EPHA3: variants seen among roughly 807,000 people sequenced by gnomAD.
The protein encoded by EPHA3 is EPH receptor A3, also known as ephrin type-A receptor 3.
In EPHA3, 42 loss-of-function variants were observed where a neutral mutation model predicts 107.1. That is an observed-to-expected ratio of 0.39 (90% confidence interval 0.31 to 0.51). The LOEUF is 0.51. Ranked by LOEUF, EPHA3 falls within the 20% of genes least tolerant of loss-of-function variation. EPHA3 has a pLI of 0.78. For synonymous variants in EPHA3, 461 were observed against 424.8 expected (o/e 1.09, Z -1.05); for missense variants, 1,183 against 1,211.2 (o/e 0.98, Z 0.35).
At chr3:89,324,509 A>AT in intron 3 of EPHA3, among the ~76,000 whole-genome samples, 1 of 150,526 alleles carries the variant, frequency 6.6e-6, no homozygotes, top group East Asian at 2.0e-4. Context: ...TATTTTTTTT[A>AT]TTTTTTATTT....
intron 12 of EPHA3, among the ~76,000 whole-genome samples, chr3:89,429,720 A>ATCTG (rs1709528539): frequency 6.6e-6 from 1 of 151,870 alleles, no homozygotes; most frequent in Non-Finnish European, 1.5e-5. Flanking sequence ...CTATCTATCT[A>ATCTG]TCTATCTATC....
intron 1 of EPHA3, among the ~76,000 whole-genome samples, chr3:89,124,614 G>A (rs966080301): frequency 1.3e-5 from 2 of 151,940 alleles, no homozygotes; most frequent in African/African-American, 4.8e-5. Context: ...AAGCCACAAT[G>A]GAACTGTTGT....
At chr3:89,340,872 A>T (rs370977398) in intron 3 of EPHA3, 44 bp from the exon 4 acceptor site, 3 of 1,513,600 alleles carry the variant, frequency 2.0e-6, no homozygotes, top group Non-Finnish European at 2.7e-6. Context: ...ATATTTTCAA[A>T]AAAATTATCA....
At chr3:89,272,021 C>T (rs1276142485) in intron 3 of EPHA3, among the ~76,000 whole-genome samples, 2 of 151,920 alleles carry the variant, frequency 1.3e-5, no homozygotes, top group Non-Finnish European at 2.9e-5. Flanking sequence ...TTATGATTTT[C>T]TTAATAACTT....
intron 3 of EPHA3, among the ~76,000 whole-genome samples, chr3:89,275,336 G>A (rs963051174): frequency 3.3e-5 from 5 of 151,972 alleles, no homozygotes; most frequent in Admixed American, 2.0e-4. Flanking sequence ...CCAGAGCCCC[G>A]TGATTTTCCT....
intron 2 of EPHA3, among the ~76,000 whole-genome samples, chr3:89,149,479 A>G (rs1704642021): frequency 6.6e-6 from 1 of 151,920 alleles, no homozygotes; most frequent in Non-Finnish European, 1.5e-5. Context: ...AATGCATAGA[A>G]TAATCTTTTT....
At position 89,357,300 on chromosome 3, in the gene EPHA3, A is replaced by G. The variant is rs576000693; in HGVS notation, c.1306+15210A>G. 8.9e-4 allele frequency among the ~76,000 whole-genome samples: 134 copies of G among 150,560 alleles called. 4 individuals are homozygous for G. Among genetic ancestry groups the G allele is most frequent in the Non-Finnish European group, 1.4e-3 (97 of 67,336 alleles). On this transcript the variant is annotated intron_variant, in intron 5 of 16. Coordinates refer to ENST00000336596, the MANE Select transcript of EPHA3 (RefSeq NM_005233.6). ...GACAGGAGACAAAGATTTTACAACT[A>G]CTTAGGAAATGCTCACTTTTTAATT...
intron 2 of EPHA3, among the ~76,000 whole-genome samples, chr3:89,137,969 A>T (rs1220858629): frequency 6.6e-6 from 1 of 151,872 alleles, no homozygotes; most frequent in African/African-American, 2.4e-5. Flanking sequence ...GGGGCCCAGC[A>T]ATAGGATTTT....
At chr3:89,197,431 A>AAAAAAAACAAAAAC (rs1491223936) in intron 2 of EPHA3, among the ~76,000 whole-genome samples, 1 of 7,350 alleles carries the variant, frequency 1.4e-4, no homozygotes, top group East Asian at 2.2e-3. Context: ...ATAAAAACAT[A>AAAAAAAACAAAAAC]AAAAAAAAAT....
rs141243140 is a variant in EPHA3, at chr3:89,248,006, T to G, written c.814+37486T>G. Among the ~76,000 whole-genome samples, 494 of 152,316 alleles carry G rather than the reference T, an allele frequency of 3.2e-3. 7 individuals are homozygous for G. The highest frequency in any genetic ancestry group is 0.011 in the African/African-American group (467 of 41,570). ...TTAATTTACCCTTTCTACTTGTCCC[T>G]CTGTTAATGAATACACCTGCATTCT... On this transcript the variant is annotated intron_variant, in intron 3 of 16. Coordinates refer to ENST00000336596, the MANE Select transcript of EPHA3 (RefSeq NM_005233.6).
At chr3:89,166,462 AAAT>A (rs1705069972) in intron 2 of EPHA3, among the ~76,000 whole-genome samples, 1 of 152,208 alleles carries the variant, frequency 6.6e-6, no homozygotes, top group Non-Finnish European at 1.5e-5. Context: ...TAAAGTCTTT[AAAT>A]TATAATAATT....
intron 13 of EPHA3, among the ~76,000 whole-genome samples, chr3:89,437,129 GA>G (rs1709687770): frequency 6.6e-6 from 1 of 152,034 alleles, no homozygotes; most frequent in South Asian, 2.1e-4. Flanking sequence ...TGCTCTTGGG[GA>G]CCCACATACA....
At chr3:89,295,753 G>C (rs1409848755) in intron 3 of EPHA3, among the ~76,000 whole-genome samples, 1 of 151,514 alleles carries the variant, frequency 6.6e-6, no homozygotes. Context: ...ACCACACCCG[G>C]CTAATTTTTG....
At chr3:89,107,960 T>G in intron 1 of EPHA3, 124 bp downstream of exon 1, 1 of 824,170 alleles carries the variant, frequency 1.2e-6, no homozygotes, top group Non-Finnish European at 1.9e-6. Flanking sequence ...GCTCTGAGAG[T>G]GAAGGAAAGA....
intron 3 of EPHA3, among the ~76,000 whole-genome samples, chr3:89,264,633 T>C (rs1422521221): frequency 6.6e-6 from 1 of 152,174 alleles, no homozygotes; most frequent in Non-Finnish European, 1.5e-5. Flanking sequence ...AATTAATCCT[T>C]GTTCCCCCAA....
intron 9 of EPHA3, among the ~76,000 whole-genome samples, chr3:89,412,544 TA>T (rs1014440565): frequency 1.3e-5 from 2 of 151,580 alleles, no homozygotes; most frequent in Non-Finnish European, 3.0e-5. Flanking sequence ...TAATATATAA[TA>T]CATACATGTA....
At position 89,408,775 on chromosome 3, in the gene EPHA3, A is replaced by G. The variant is rs144162490; in HGVS notation, c.1762+644A>G. Among the ~76,000 whole-genome samples, 827 of 152,156 alleles carry G rather than the reference A, an allele frequency of 5.4e-3. 13 individuals are homozygous for G. Among genetic ancestry groups the G allele is most frequent in the African/African-American group, 0.018 (765 of 41,540 alleles). ...TTCCAGGTGTTTTGCGTTCCAAACT[A>G]TGGCTCAGCTTAGTGTGGCAATTAC... On this transcript the variant is annotated intron_variant, in intron 9 of 16. Coordinates refer to ENST00000336596, the MANE Select transcript of EPHA3 (RefSeq NM_005233.6).
chr3:89,181,602 G>A (rs568455845), intron 2 of EPHA3, among the ~76,000 whole-genome samples: 24 of 151,940 alleles, frequency 1.6e-4, no homozygotes, highest in Admixed American at 7.2e-4. Flanking sequence ...TTGAGCTTTT[G>A]GATTATTAGT....
chr3:89,290,055 T>C (rs1003832237), intron 3 of EPHA3, among the ~76,000 whole-genome samples: 11 of 152,124 alleles, frequency 7.2e-5, no homozygotes, highest in African/African-American at 2.4e-4. Flanking sequence ...TCAAAGATAA[T>C]GTCAAATAAT....
Sources: gnomAD v4.1 joint callset for allele counts (sites outside exome capture counted in the v4.1 genomes callset) on GRCh38, gnomAD v4.1.1 for gene constraint, MANE v1.5 for transcripts, NCBI Gene and HGNC (gene_info 2026-07-23, HGNC 2026-07-21) for gene names.